The following NUBPL variants were observed in gnomAD, a reference collection of about 807,000 sequenced individuals.
NUBPL encodes iron-sulfur cluster transfer protein NUBPL.
NUBPL carries 31 observed loss-of-function variants against 45.7 expected under a neutral mutation model. The ratio of observed to expected loss-of-function variants is 0.68; its 90% confidence interval spans 0.51 to 0.92. The LOEUF (loss-of-function observed/expected upper bound fraction) is 0.92. Ranked by LOEUF, NUBPL falls within the 40% of genes least tolerant of loss-of-function variation. NUBPL has a pLI of 0.00. For synonymous variants in NUBPL, 144 were observed against 140.9 expected (o/e 1.02, Z -0.15); for missense variants, 401 against 398.7 (o/e 1.01, Z -0.05).
intron 6 of NUBPL, among the ~76,000 whole-genome samples, chr14:31,779,182 C>T (rs1032757103): frequency 3.3e-5 from 5 of 151,614 alleles, no homozygotes; most frequent in Admixed American, 3.3e-4. Context: ...TCTCTACTAA[C>T]ATTACAAAAT....
chr14:31,783,443 A>G (rs968267720), intron 6 of NUBPL, among the ~76,000 whole-genome samples: 8 of 151,660 alleles, frequency 5.3e-5, no homozygotes, highest in African/African-American at 1.9e-4. Context: ...ATTAAATTCA[A>G]TTCAGAGTCA....
At chr14:31,841,916 G>GCTT (rs2040374842) in intron 8 of NUBPL, among the ~76,000 whole-genome samples, 6 of 33,214 alleles carry the variant, frequency 1.8e-4, no homozygotes, top group African/African-American at 1.2e-3. Context: ...TCGATTCTGG[G>GCTT]CTTTTTTTTT....
chr14:31,704,485 G>A (rs1319512881), intron 6 of NUBPL, among the ~76,000 whole-genome samples: 1 of 151,930 alleles, frequency 6.6e-6, no homozygotes, highest in Admixed American at 6.6e-5. Flanking sequence ...GCAACATGGA[G>A]AGACCCCGTC....
intron 6 of NUBPL, among the ~76,000 whole-genome samples, chr14:31,707,369 C>G (rs2037476031): frequency 6.6e-6 from 1 of 152,248 alleles, no homozygotes; most frequent in South Asian, 2.1e-4. Context: ...ATAGGGTACA[C>G]TGTTTTTTCT....
chr14:31,787,848 A>G lies in NUBPL; in HGVS notation c.582A>G (p.Ser194=). Residue 194 remains serine (S), a synonymous_variant, in exon 7 of 11, where the codon TCA becomes TCG. Coordinates refer to ENST00000281081, the MANE Select transcript of NUBPL (RefSeq NM_025152.3). ...CAGGAACTGGAGATGTGCAGTTATC[A>G]GTCTCACAGAATATTCCTATAACAG... The part of the protein sequence containing the change: ...MPPGTGDVQL[S]VSQNIPITGA... The G allele has an allele frequency of 1.2e-6, 2 of 1,611,498 alleles. No individual in the cohort carries two copies. The highest frequency in any genetic ancestry group is 1.7e-6 in the Non-Finnish European group (2 of 1,177,716).
chr14:31,593,443 G>A (rs2034197578), intron 3 of NUBPL, among the ~76,000 whole-genome samples: 1 of 151,074 alleles, frequency 6.6e-6, no homozygotes, highest in Non-Finnish European at 1.5e-5. Context: ...GAACCCGGGA[G>A]GCGGAGCTTG....
At chr14:31,565,069 A>C in intron 3 of NUBPL, 21 bp downstream of exon 3, 1 of 1,407,222 alleles carries the variant, frequency 7.1e-7, no homozygotes, top group Non-Finnish European at 9.9e-7. Context: ...ATTAATAGAA[A>C]TATTAATTTA....
At position 31,760,999 on chromosome 14, in the gene NUBPL, C is replaced by A. The variant is rs1177209538; in HGVS notation, c.514-26781C>A. Among the ~76,000 whole-genome samples the A allele has an allele frequency of 2.6e-5, 4 of 152,010 alleles. 1 individual carries two copies. Among genetic ancestry groups the A allele is most frequent in the Middle Eastern group, 3.2e-3 (1 of 316 alleles). ...GGCATGAACCACCATACCCATCTTA[C>A]TTTTTACATTTTAAAATTCAAATCC... On this transcript the variant is annotated intron_variant, in intron 6 of 10. Transcript: ENST00000281081.
At chr14:31,591,287 C>T (rs187762581) in intron 3 of NUBPL, among the ~76,000 whole-genome samples, 9 of 152,220 alleles carry the variant, frequency 5.9e-5, no homozygotes, top group Admixed American at 3.3e-4. Flanking sequence ...CTCAGCCTCC[C>T]AAGTAGCTAG....
At chr14:31,563,748 G>A (rs999185908) in intron 2 of NUBPL, among the ~76,000 whole-genome samples, 3 of 152,154 alleles carry the variant, frequency 2.0e-5, no homozygotes, top group African/African-American at 7.2e-5. Flanking sequence ...TTAAATGTAG[G>A]AAGAACCTAA....
chr14:31,573,368 A>G (rs1389366380), intron 3 of NUBPL, among the ~76,000 whole-genome samples: 1 of 152,074 alleles, frequency 6.6e-6, no homozygotes, highest in Non-Finnish European at 1.5e-5. Context: ...GTTACTAGTC[A>G]CGTGCCTTTA....
At chr14:31,779,678 T>C (rs7144060) in intron 6 of NUBPL, among the ~76,000 whole-genome samples, 1,831 of 152,304 alleles carry the variant, frequency 0.012, 28 homozygotes, top group African/African-American at 0.034. Context: ...AACCAACTAT[T>C]GGAGGAACTT....
intron 6 of NUBPL, among the ~76,000 whole-genome samples, chr14:31,778,099 C>T (rs1433774342): frequency 6.6e-6 from 1 of 152,180 alleles, no homozygotes; most frequent in Non-Finnish European, 1.5e-5. Flanking sequence ...GCGTGTGCCT[C>T]AAGACTCTCA....
chr14:31,689,855 A>T (rs1243066311), intron 6 of NUBPL, among the ~76,000 whole-genome samples: 1 of 151,850 alleles, frequency 6.6e-6, no homozygotes, highest in Non-Finnish European at 1.5e-5. Context: ...TAAAGAAGGG[A>T]TCCAGTCTGA....
Position 31,713,672 on chromosome 14 carries a change from A to AT in NUBPL, c.513+40106dup, listed in dbSNP as rs112495471. The stretch of plus-strand genomic sequence containing the variant: ...ACAACCCGTAGGAAATTTTTCTTCT[A>AT]TTTTTTTTCTCTCTTGCTTAGAAAC... On this transcript the variant is annotated intron_variant, in intron 6 of 10. Transcript: ENST00000281081. 8.6e-5 allele frequency among the ~76,000 whole-genome samples: 13 copies of AT among 151,672 alleles called. No homozygotes were observed. The South Asian group carries it at 1.0e-3, about 12-fold the overall frequency.
chr14:31,573,268 A>G (rs190304598), intron 3 of NUBPL, among the ~76,000 whole-genome samples: 5 of 152,120 alleles, frequency 3.3e-5, no homozygotes, highest in African/African-American at 1.2e-4. Flanking sequence ...AAATGTTGTT[A>G]TGGGGCATAT....
chr14:31,760,226 C>A (rs571435857), intron 6 of NUBPL, among the ~76,000 whole-genome samples: 2 of 150,494 alleles, frequency 1.3e-5, no homozygotes, highest in Non-Finnish European at 3.0e-5. Flanking sequence ...GTGGCACAGT[C>A]ATGGCTTACT....
Position 31,676,302 on chromosome 14 carries a change from C to T in NUBPL, c.513+2728C>T, listed in dbSNP as rs572177967. 5.3e-5 allele frequency among the ~76,000 whole-genome samples: 8 copies of T among 151,910 alleles called. No homozygotes were observed. In the South Asian group the frequency reaches 1.3e-3, roughly 24 times the overall value. ...TCTCCCAAAGTGCTGGGATTACAGG[C>T]GTGAGCCACTGCAACCGTCCAGGAT... On this transcript the variant is annotated intron_variant, in intron 6 of 10. Coordinates refer to ENST00000281081, the MANE Select transcript of NUBPL (RefSeq NM_025152.3).
chr14:31,694,642 A>C (rs2139873480), intron 6 of NUBPL, among the ~76,000 whole-genome samples: 1 of 152,244 alleles, frequency 6.6e-6, no homozygotes, highest in South Asian at 2.1e-4. Flanking sequence ...CAACCTCCTG[A>C]GTAGCTGGGA....
Sources: gnomAD v4.1 joint callset for allele counts (sites outside exome capture counted in the v4.1 genomes callset) on GRCh38, gnomAD v4.1.1 for gene constraint, MANE v1.5 for transcripts, NCBI Gene and HGNC (gene_info 2026-07-23, HGNC 2026-07-21) for gene names.